Variants in GULP1 observed in about 807,000 individuals in gnomAD.
GULP1 encodes PTB domain-containing engulfment adapter protein 1.
GULP1 carries 19 observed loss-of-function variants against 40.9 expected under a neutral mutation model. The ratio of observed to expected loss-of-function variants is 0.46; its 90% CI spans 0.32 to 0.68. The LOEUF (loss-of-function observed/expected upper bound fraction) is 0.68, where lower values mean the gene tolerates loss of function less well. Ranked by LOEUF, GULP1 falls within the 30% of genes least tolerant of loss-of-function variation. The pLI is 0.03. For synonymous variants in GULP1, 119 were observed against 117.6 expected (o/e 1.01, Z -0.08); for missense variants, 312 against 362.2 (o/e 0.86, Z 1.12).
intron 2 of GULP1, among the ~76,000 whole-genome samples, chr2:188,425,401 AACTAAG>A (rs2056054365): frequency 6.6e-6 from 1 of 152,034 alleles, no homozygotes; most frequent in Non-Finnish European, 1.5e-5. Flanking sequence ...CTCAACTTTG[AACTAAG>A]ACTTTGTACC....
chr2:188,324,771 C>G (rs2040502682), intron 1 of GULP1, among the ~76,000 whole-genome samples: 2 of 151,796 alleles, frequency 1.3e-5, no homozygotes, highest in Admixed American at 6.6e-5. Context: ...ATTGACATTA[C>G]ACTCTGAGTA....
intron 7 of GULP1, among the ~76,000 whole-genome samples, chr2:188,551,734 T>G (rs1274982648): frequency 6.6e-6 from 1 of 151,752 alleles, no homozygotes; most frequent in African/African-American, 2.4e-5. Flanking sequence ...TTGCAGGTTT[T>G]TTTTTGAAAT....
At chr2:188,414,520 A>G (rs2054331820) in intron 2 of GULP1, among the ~76,000 whole-genome samples, 1 of 152,200 alleles carries the variant, frequency 6.6e-6, no homozygotes, top group Admixed American at 6.5e-5. Context: ...TGTATTTTTT[A>G]GAACTCAGTT....
chr2:188,504,079 T>G (rs1363261669), intron 4 of GULP1, among the ~76,000 whole-genome samples: 2 of 151,840 alleles, frequency 1.3e-5, no homozygotes, highest in Admixed American at 1.3e-4. Flanking sequence ...ATCTCAAAAG[T>G]AATGCTAAAA....
intron 4 of GULP1, among the ~76,000 whole-genome samples, chr2:188,500,087 A>G (rs558983955): frequency 6.6e-6 from 1 of 151,824 alleles, no homozygotes; most frequent in African/African-American, 2.4e-5. Flanking sequence ...TATGTCACAG[A>G]GCAACATTCT....
intron 4 of GULP1, among the ~76,000 whole-genome samples, chr2:188,511,947 G>C (rs2153202655): frequency 6.6e-6 from 1 of 151,874 alleles, no homozygotes; most frequent in Non-Finnish European, 1.5e-5. Context: ...GTTTTTTTCA[G>C]GATTATAGTT....
At chr2:188,558,203 A>G (rs1186236683) in intron 7 of GULP1, among the ~76,000 whole-genome samples, 2 of 152,040 alleles carry the variant, frequency 1.3e-5, no homozygotes, top group Non-Finnish European at 2.9e-5. Context: ...TCTCATCTTG[A>G]ATTGTACTCC....
At chr2:188,530,743 C>G (rs1293346584) in intron 6 of GULP1, among the ~76,000 whole-genome samples, 3 of 152,156 alleles carry the variant, frequency 2.0e-5, no homozygotes, top group African/African-American at 7.2e-5. Flanking sequence ...GGATAAGCCA[C>G]CCAGTCAGTG....
intron 2 of GULP1, among the ~76,000 whole-genome samples, chr2:188,436,047 T>C (rs1213258083): frequency 1.3e-5 from 2 of 152,104 alleles, no homozygotes; most frequent in Non-Finnish European, 2.9e-5. Context: ...ATCTTTACCA[T>C]GTAACTTAAG....
intron 2 of GULP1, among the ~76,000 whole-genome samples, chr2:188,385,710 A>G (rs1226701768): frequency 1.3e-5 from 2 of 152,126 alleles, no homozygotes; most frequent in Non-Finnish European, 2.9e-5. Flanking sequence ...TCCTTCCTCC[A>G]GATACCCGAA....
intron 1 of GULP1, among the ~76,000 whole-genome samples, chr2:188,332,549 A>G (rs1373435259): frequency 6.6e-6 from 1 of 152,176 alleles, no homozygotes; most frequent in Non-Finnish European, 1.5e-5. Flanking sequence ...AGAGCCAGAA[A>G]GAAAAACCTG....
At chr2:188,333,190 G>C (rs1437039386) in intron 1 of GULP1, among the ~76,000 whole-genome samples, 1 of 151,680 alleles carries the variant, frequency 6.6e-6, no homozygotes, top group African/African-American at 2.4e-5. Context: ...GGCTTACAGT[G>C]AGCCAAGATC....
chr2:188,573,266 CT>C (rs67426138), intron 9 of GULP1, among the ~76,000 whole-genome samples: 19,924 of 152,110 alleles, frequency 0.13, 3,216 homozygotes, highest in African/African-American at 0.39. Context: ...TCGTAGAACA[CT>C]TAAGTACAGC....
At chr2:188,362,177 A>G (rs535808938) in intron 1 of GULP1, among the ~76,000 whole-genome samples, 1 of 152,106 alleles carries the variant, frequency 6.6e-6, no homozygotes. Flanking sequence ...TTCTGAGCAC[A>G]TTACAAACAA....
intron 1 of GULP1, among the ~76,000 whole-genome samples, chr2:188,382,656 C>T (rs1408212423): frequency 6.6e-6 from 1 of 152,098 alleles, no homozygotes; most frequent in African/African-American, 2.4e-5. Flanking sequence ...GAGGCCAAAG[C>T]GGGCAGATCA....
intron 2 of GULP1, among the ~76,000 whole-genome samples, chr2:188,388,338 G>A (rs1307662863): frequency 2.7e-5 from 4 of 146,298 alleles, no homozygotes; most frequent in African/African-American, 1.0e-4. Flanking sequence ...AGACCATCCT[G>A]GAAAACATAG....
chr2:188,387,354 CTT>C (rs2049920685), intron 2 of GULP1, among the ~76,000 whole-genome samples: 1 of 151,928 alleles, frequency 6.6e-6, no homozygotes, highest in Admixed American at 6.6e-5. Flanking sequence ...TTATTGAAAA[CTT>C]ATACTTATCA....
At chr2:188,295,600 T>G (rs957755841) in intron 1 of GULP1, among the ~76,000 whole-genome samples, 3 of 152,152 alleles carry the variant, frequency 2.0e-5, no homozygotes, top group African/African-American at 7.2e-5. Context: ...CATGGATGTT[T>G]AACTTAACTC....
chr2:188,522,846 A>G lies in GULP1; in HGVS notation c.162+19A>G. The G allele has an allele frequency of 6.8e-7, 1 of 1,470,216 alleles. No individual in the cohort carries two copies. Among genetic ancestry groups the G allele is most frequent in the Non-Finnish European group, 9.5e-7 (1 of 1,049,380 alleles). 91.1% of individuals were successfully genotyped at this position (1,470,216 alleles called of 1,614,324 possible). A position where few individuals can be genotyped will look rare whatever the true frequency, so the allele number is the denominator to read the frequency against. ...ACTAAAGGTAGGGAAAGGCCTTCAA[A>G]TAAATTACAAGTGTATTGACTCTGT... On this transcript the variant is annotated intron_variant, in intron 5 of 11. Coordinates refer to ENST00000409830, the MANE Select transcript of GULP1 (RefSeq NM_016315.4).
Sources: gnomAD v4.1 joint callset for allele counts (sites outside exome capture counted in the v4.1 genomes callset) on GRCh38, gnomAD v4.1.1 for gene constraint, MANE v1.5 for transcripts, NCBI Gene and HGNC (gene_info 2026-07-23, HGNC 2026-07-21) for gene names.